Variants in OR9A4 observed in about 807,000 individuals in gnomAD.
OR9A4 encodes olfactory receptor 9A4.
Under a neutral mutation model 17.1 loss-of-function variants are expected in OR9A4, and 16 were observed. That is an observed-to-expected ratio of 0.94 (90% CI 0.64 to 1.43). OR9A4 has a LOEUF of 1.43. Ranked by LOEUF, OR9A4 falls within the 40% of genes most tolerant of loss-of-function variation. The pLI, the probability that OR9A4 is intolerant of heterozygous loss-of-function variation, is 0.00. For synonymous variants in OR9A4, 167 were observed against 143.3 expected (o/e 1.17, Z -1.18); for missense variants, 392 against 382.1 (o/e 1.03, Z -0.22).
At position 141,919,888 on chromosome 7, in the gene OR9A4, T is replaced by G; in HGVS notation, c.*68T>G. 8.2e-7 allele frequency: 1 copy of G among 1,222,836 alleles called. No homozygotes were observed. Among genetic ancestry groups the G allele is most frequent in the African/African-American group, 1.5e-5 (1 of 66,188 alleles). 75.7% of individuals were successfully genotyped at this position (1,222,836 alleles called of 1,614,324 possible). A position where few individuals can be genotyped will look rare whatever the true frequency, so the allele number is the denominator to read the frequency against. ...ATTCTAGAATAATCTGAAAAGAACT[T>G]GCTCATCTTTGAACTGCATCATAAT... On this transcript the variant is annotated 3_prime_UTR_variant, in exon 2 of 2. Coordinates refer to ENST00000641559, the MANE Select transcript of OR9A4 (RefSeq NM_001001656.3).
intron 1 of OR9A4, 68 bp downstream of exon 1, chr7:141,916,704 C>G (rs1802190859): frequency 6.6e-6 from 1 of 152,306 alleles, no homozygotes; most frequent in South Asian, 2.1e-4. Flanking sequence ...GATGGGAGGG[C>G]CGGGGCTTGG....
At position 141,919,688 on chromosome 7, in the gene OR9A4, T is replaced by C. The variant is rs1320170013; in HGVS notation, c.813T>C (p.Asn271=). Residue 271 remains asparagine (N), a synonymous_variant, in exon 2 of 2, where the codon AAT becomes AAC. Transcript: ENST00000641559. ...AGCAAACGCAGGCAGCTGATTACAA[T>C]TGGGTAGTTTCCCTGATGGTTTCAG... is the stretch of plus-strand genomic sequence containing the variant. The part of the protein sequence containing the change: ...KPKQTQAADY[N]WVVSLMVSVV... 8 of 1,614,058 alleles carry C rather than the reference T, an allele frequency of 5.0e-6. No individual in the cohort carries two copies. Among genetic ancestry groups the C allele is most frequent in the East Asian group, 4.5e-5 (2 of 44,878 alleles).
chr7:141,919,383 A>T lies in OR9A4; in HGVS notation c.508A>T (p.Lys170Ter), dbSNP rs1554439093. The T allele has an allele frequency of 6.2e-7, 1 of 1,614,176 alleles. No individual in the cohort carries two copies. The highest frequency in any genetic ancestry group is 1.1e-5 in the South Asian group (1 of 91,084). ...TGTCATGTTTCAGCTTACTTACTGC[A>T]AATCAAATGTGGTGAACAATTTTTT... The part of the protein sequence containing the change: ...VYVMFQLTYC[K>*]SNVVNNFFCD... The change falls in exon 2 of 2, where the codon AAA (lysine) becomes TAA (stop). Residue 170 changes from lysine (K) to a stop codon, truncating the protein, a stop_gained. Transcript: ENST00000641559. LOFTEE classifies it high-confidence loss of function.
In OR9A4 at chr7:141,919,610, C is replaced by T; in HGVS notation, c.735C>T (p.Phe245=). 1.2e-6 allele frequency: 2 copies of T among 1,614,214 alleles called. No homozygotes were observed. Among genetic ancestry groups the T allele is most frequent in the Non-Finnish European group, 1.7e-6 (2 of 1,180,048 alleles). Residue 245 remains phenylalanine, a synonymous_variant, in exon 2 of 2, where the codon TTC becomes TTT. Transcript: ENST00000641559. ...RKSFSTCASH[F]TCVVIGYGSC... ...CCTTCTCCACTTGTGCCTCCCACTT[C>T]ACCTGTGTTGTGATTGGCTACGGCA...
chr7:141,918,855 G>C lies in OR9A4; in HGVS notation c.-21G>C. On this transcript the variant is annotated 5_prime_UTR_variant, in exon 2 of 2. Coordinates refer to ENST00000641559, the MANE Select transcript of OR9A4 (RefSeq NM_001001656.3). Reference sequence around the variant, plus strand: ...CTCTTTTGCTCTCTAGATTTCACAAGGAACAAGGGCTTAGAACTAAATGTT... The same window carrying C: ...CTCTTTTGCTCTCTAGATTTCACAACGAACAAGGGCTTAGAACTAAATGTT... 6.6e-7 allele frequency: 1 copy of C among 1,525,916 alleles called. No homozygotes were observed. The highest frequency in any genetic ancestry group is 8.9e-7 in the Non-Finnish European group (1 of 1,122,594). 94.5% of individuals were successfully genotyped at this position (1,525,916 alleles called of 1,614,324 possible).
At position 141,919,698 on chromosome 7, in the gene OR9A4, T is replaced by G; in HGVS notation, c.823T>G (p.Ser275Ala). 1 of 1,614,194 alleles carries G rather than the reference T, an allele frequency of 6.2e-7. No individual in the cohort carries two copies. The highest frequency in any genetic ancestry group is 8.5e-7 in the Non-Finnish European group (1 of 1,180,040). Reference sequence around the variant, plus strand: ...GGCAGCTGATTACAATTGGGTAGTTTCCCTGATGGTTTCAGTAGTAACTCC... The same window carrying G: ...GGCAGCTGATTACAATTGGGTAGTTGCCCTGATGGTTTCAGTAGTAACTCC... ...TQAADYNWVV[S>A]LMVSVVTPFL... The change falls in exon 2 of 2, where the codon TCC (serine) becomes GCC (alanine). Residue 275 changes from serine (S) to alanine (A), a missense_variant. Coordinates refer to ENST00000641559, the MANE Select transcript of OR9A4 (RefSeq NM_001001656.3).
rs782233151 is a variant in OR9A4, at chr7:141,919,469, C to A, written c.594C>A (p.Ile198=). 3.7e-6 allele frequency: 6 copies of A among 1,614,004 alleles called. No individual in the cohort carries two copies. The highest frequency in any genetic ancestry group is 5.1e-6 in the Non-Finnish European group (6 of 1,180,028). ...SCNNTLFTEF[I]LFLMAVFVLF... is the part of the protein sequence containing the mutation. Reference sequence around the variant, plus strand: ...ATAATACTCTTTTCACGGAGTTTATCCTCTTCTTAATGGCTGTTTTTGTTC... The same window carrying A: ...ATAATACTCTTTTCACGGAGTTTATACTCTTCTTAATGGCTGTTTTTGTTC... The change falls in exon 2 of 2, where the codon ATC becomes ATA. Residue 198 remains isoleucine (I), a synonymous_variant. Transcript: ENST00000641559.
Position 141,919,211 on chromosome 7 carries a change from C to T in OR9A4, c.336C>T (p.Phe112=), listed in dbSNP as rs73529456. 6,809 of 1,614,012 alleles carry T rather than the reference C, an allele frequency of 4.2e-3. 263 individuals carry two copies. In the African/African-American group the frequency reaches 0.08, roughly 19 times the overall value. The change falls in exon 2 of 2, where the codon TTC becomes TTT. Residue 112 remains phenylalanine (F), a synonymous_variant. Transcript: ENST00000641559. ...FLYLAVGTTE[F]ALLGAMAVDR... is the part of the protein sequence containing the mutation. ...ACCTTGCTGTGGGGACAACAGAGTT[C>T]GCATTACTTGGAGCAATGGCTGTGG...
In OR9A4 at chr7:141,918,945, C is replaced by T. The variant is rs367653539; in HGVS notation, c.70C>T (p.His24Tyr). Residue 24 changes from histidine to tyrosine, a missense_variant, in exon 2 of 2, where the codon CAT becomes TAT. By Grantham distance (83) the His-to-Tyr change is moderately conservative. Transcript: ENST00000641559. ...CTTCCCTGGCTCTGAAGAACTACAT[C>T]ATATCCTTTTTGCTATATTCTTCTT... ...LGFPGSEELH[H>Y]ILFAIFFFFY... 2.5e-6 allele frequency: 4 copies of T among 1,613,980 alleles called. No individual in the cohort carries two copies. The African/African-American group carries it at 5.3e-5, about 22-fold the overall frequency.
At chr7:141,918,295 C>T (rs1348138979) in intron 1 of OR9A4, among the ~76,000 whole-genome samples, 4 of 152,098 alleles carry the variant, frequency 2.6e-5, no homozygotes, top group African/African-American at 4.8e-5. Flanking sequence ...TTAGTAGAGA[C>T]GAGGTTTCAC....
Position 141,919,001 on chromosome 7 carries a change from A to C in OR9A4, c.126A>C (p.Thr42=), listed in dbSNP as rs782133698. The change falls in exon 2 of 2, where the codon ACA becomes ACC. Residue 42 remains threonine (T), a synonymous_variant. Coordinates refer to ENST00000641559, the MANE Select transcript of OR9A4 (RefSeq NM_001001656.3). Reference sequence around the variant, plus strand: ...ACTTGGTGACATTAATGGGAAACACAGTCATCATCATGATTGTCTGTGTGG... The same window carrying C: ...ACTTGGTGACATTAATGGGAAACACCGTCATCATCATGATTGTCTGTGTGG... ...FFYLVTLMGN[T]VIIMIVCVDK... 2 of 1,614,124 alleles carry C rather than the reference A, an allele frequency of 1.2e-6. No homozygotes were observed. Among genetic ancestry groups the C allele is most frequent in the Non-Finnish European group, 8.5e-7 (1 of 1,180,024 alleles).
chr7:141,919,843 T>C lies in OR9A4; in HGVS notation c.*23T>C, dbSNP rs782663644. Reference sequence around the variant, plus strand: ...TAGCCTTGCTCTGAGGACTTTTACATGGTAAAGCACTTAGTATGGATTCTA... The same window carrying C: ...TAGCCTTGCTCTGAGGACTTTTACACGGTAAAGCACTTAGTATGGATTCTA... On this transcript the variant is annotated 3_prime_UTR_variant, in exon 2 of 2. Coordinates refer to ENST00000641559, the MANE Select transcript of OR9A4 (RefSeq NM_001001656.3). The C allele has an allele frequency of 9.1e-6, 14 of 1,545,952 alleles. No homozygotes were observed. The highest frequency in any genetic ancestry group is 1.2e-5 in the Non-Finnish European group (14 of 1,131,356).
intron 1 of OR9A4, 138 bp from the exon 2 acceptor site, chr7:141,918,708 G>A (rs373107175): frequency 1.9e-5 from 11 of 582,074 alleles, no homozygotes; most frequent in South Asian, 1.2e-4. Context: ...TCTTCATGAA[G>A]TATTTGACAT....
At position 141,919,067 on chromosome 7, in the gene OR9A4, C is replaced by T. The variant is rs781946696; in HGVS notation, c.192C>T (p.His64=). Residue 64 remains histidine (H), a synonymous_variant, in exon 2 of 2, where the codon CAC becomes CAT. Transcript: ENST00000641559. ...CCCCCATGTATTTCTTCCTCGGCCACCTCTCTGCCCTGGAGATCCTGGTCA... is the reference window on the plus strand; with the variant it reads ...CCCCCATGTATTTCTTCCTCGGCCATCTCTCTGCCCTGGAGATCCTGGTCA... The part of the protein sequence containing the change: ...LQSPMYFFLG[H]LSALEILVTT... 28 of 1,614,158 alleles carry T rather than the reference C, an allele frequency of 1.7e-5. No homozygotes were observed. Among genetic ancestry groups the T allele is most frequent in the Non-Finnish European group, 2.0e-5 (24 of 1,180,022 alleles).
At position 141,920,071 on chromosome 7, in the gene OR9A4, G is replaced by A. The variant is rs566842204; in HGVS notation, c.*251G>A. ...CTATCATCTGCCTTTCTTAAGATAT[G>A]ATGATTTCACAATTAAACTTTGAAA... On this transcript the variant is annotated 3_prime_UTR_variant, in exon 2 of 2. Coordinates refer to ENST00000641559, the MANE Select transcript of OR9A4 (RefSeq NM_001001656.3). The A allele has an allele frequency of 5.1e-6, 2 of 389,040 alleles. No homozygotes were observed. Among genetic ancestry groups the A allele is most frequent in the East Asian group, 4.2e-5 (1 of 23,768 alleles). The allele number at this position is 389,040 out of a possible 1,614,324, so 24.1% of individuals were successfully genotyped here.
chr7:141,919,374 A>C lies in OR9A4; in HGVS notation c.499A>C (p.Thr167Pro), dbSNP rs782120874. 1.9e-6 allele frequency: 3 copies of C among 1,614,140 alleles called. No homozygotes were observed. In the Admixed American group the frequency reaches 5.0e-5, roughly 27 times the overall value. ...GCCGGTCTATGTCATGTTTCAGCTT[A>C]CTTACTGCAAATCAAATGTGGTGAA... Reference protein sequence around the residue: ...IWPVYVMFQLTYCKSNVVNNF... With the variant: ...IWPVYVMFQLPYCKSNVVNNF... The change falls in exon 2 of 2, where the codon ACT (threonine) becomes CCT (proline). Residue 167 changes from threonine to proline, a missense_variant. Thr to Pro is a conservative substitution (Grantham distance 38). Transcript: ENST00000641559.
In OR9A4 at chr7:141,919,616, T is replaced by A. The variant is rs782412322; in HGVS notation, c.741T>A (p.Cys247Ter). The A allele has an allele frequency of 1.1e-5, 18 of 1,614,036 alleles. No homozygotes were observed. The highest frequency in any genetic ancestry group is 1.5e-5 in the Non-Finnish European group (18 of 1,180,020). ...SFSTCASHFTCVVIGYGSCLF... is the reference protein window; with the variant it reads ...SFSTCASHFT ...CCACTTGTGCCTCCCACTTCACCTGTGTTGTGATTGGCTACGGCAGCTGCT... is the reference window on the plus strand; with the variant it reads ...CCACTTGTGCCTCCCACTTCACCTGAGTTGTGATTGGCTACGGCAGCTGCT... The change falls in exon 2 of 2, where the codon TGT becomes TGA. Residue 247 changes from cysteine (C) to a stop codon, truncating the protein, a stop_gained. Transcript: ENST00000641559. LOFTEE classifies it high-confidence loss of function.
Position 141,918,949 on chromosome 7 carries a change from T to A in OR9A4, c.74T>A (p.Ile25Asn), listed in dbSNP as rs546635139. The change falls in exon 2 of 2, where the codon ATC (isoleucine) becomes AAC (asparagine). Residue 25 changes from isoleucine to asparagine, a missense_variant. Transcript: ENST00000641559. ...CCTGGCTCTGAAGAACTACATCATA[T>A]CCTTTTTGCTATATTCTTCTTTTTC... ...GFPGSEELHH[I>N]LFAIFFFFYL... is the part of the protein sequence containing the mutation. 5.0e-6 allele frequency: 8 copies of A among 1,614,144 alleles called. No individual in the cohort carries two copies. In the African/African-American group the frequency reaches 6.7e-5, roughly 13 times the overall value.
At chr7:141,916,706 G>A (rs745162) in intron 1 of OR9A4, 70 bp downstream of exon 1, 80,706 of 152,106 alleles carry the variant, frequency 0.53, 21,769 homozygotes, top group African/African-American at 0.62. Context: ...TGGGAGGGCC[G>A]GGGCTTGGCT....
Sources: gnomAD v4.1 joint callset for allele counts (sites outside exome capture counted in the v4.1 genomes callset) on GRCh38, gnomAD v4.1.1 for gene constraint, MANE v1.5 for transcripts, NCBI Gene and HGNC (gene_info 2026-07-23, HGNC 2026-07-21) for gene names.